SAE1: variants seen among roughly 807,000 people sequenced by gnomAD.
The protein encoded by SAE1 is SUMO1 activating enzyme subunit 1.
SAE1 carries 11 observed loss-of-function variants against 40.6 expected under a neutral mutation model. The ratio of observed to expected loss-of-function variants is 0.27; its 90% CI spans 0.17 to 0.45. The LOEUF (loss-of-function observed/expected upper bound fraction) is 0.45. Among genes scored for constraint, SAE1 ranks in the 20% least tolerant of loss-of-function variants. The pLI, the probability that SAE1 is intolerant of heterozygous loss-of-function variation, is 1.00. For missense variants in SAE1, 373 were observed against 427.3 expected (o/e 0.87, Z 1.12); for synonymous variants, 155 against 154.3 (o/e 1.00, Z -0.03).
intron 6 of SAE1, among the ~76,000 whole-genome samples, chr19:47,178,101 C>T (rs1489133001): frequency 6.6e-6 from 1 of 151,978 alleles, no homozygotes; most frequent in Non-Finnish European, 1.5e-5. Context: ...ATTAGCTGGG[C>T]ATGGTGGTGT....
intron 1 of SAE1, among the ~76,000 whole-genome samples, chr19:47,135,371 G>C (rs899688615): frequency 6.6e-6 from 1 of 151,952 alleles, no homozygotes; most frequent in Non-Finnish European, 1.5e-5. Context: ...TCTACTATCT[G>C]CATGAGTTCA....
intron 6 of SAE1, among the ~76,000 whole-genome samples, chr19:47,192,829 T>G (rs2058587817): frequency 1.3e-5 from 2 of 152,016 alleles, no homozygotes; most frequent in African/African-American, 2.4e-5. Flanking sequence ...TGTGAGCCAC[T>G]GCACCTGGCC....
intron 5 of SAE1, among the ~76,000 whole-genome samples, chr19:47,166,276 C>G (rs971297577): frequency 1.3e-5 from 2 of 152,040 alleles, no homozygotes; most frequent in Non-Finnish European, 2.9e-5. Context: ...GAAGTGGGCA[C>G]GGATGGGGGC....
At chr19:47,177,908 G>C (rs527723277) in intron 6 of SAE1, among the ~76,000 whole-genome samples, 14 of 152,104 alleles carry the variant, frequency 9.2e-5, no homozygotes, top group Non-Finnish European at 1.6e-4. Flanking sequence ...GAGGGGACTG[G>C]AGCTTGGAGA....
At chr19:47,207,009 C>A (rs28399748) in intron 8 of SAE1, among the ~76,000 whole-genome samples, 1 of 152,142 alleles carries the variant, frequency 6.6e-6, no homozygotes, top group African/African-American at 2.4e-5. Context: ...AATAAATGTT[C>A]CCTTGACTGG....
Position 47,196,396 on chromosome 19 carries a change from C to T in SAE1, c.734-837C>T, listed in dbSNP as rs1276387784. ...TTTACTTTTTTGAGACGGAGTCTCA[C>T]TCTGTCACCCAGGCTAGATTGCAGT... On this transcript the variant is annotated intron_variant, in intron 6 of 8. Transcript: ENST00000270225. Among the ~76,000 whole-genome samples, 6 of 121,494 alleles carry T rather than the reference C, an allele frequency of 4.9e-5. No individual in the cohort carries two copies. In the Admixed American group the frequency reaches 5.2e-4, roughly 10 times the overall value. The allele number at this position is 121,494 out of a possible 152,430, so 79.7% of individuals were successfully genotyped here.
intron 6 of SAE1, chr19:47,180,220 A>T (rs760595435): frequency 2.2e-6 from 1 of 456,182 alleles, no homozygotes; most frequent in Non-Finnish European, 4.4e-6. Flanking sequence ...TCATGCCAAG[A>T]TGTTAATACC....
chr19:47,193,978 A>G (rs911413474), intron 6 of SAE1, among the ~76,000 whole-genome samples: 15 of 152,272 alleles, frequency 9.9e-5, no homozygotes, highest in African/African-American at 3.1e-4. Context: ...AGCATAGCCC[A>G]GAAGCAGGGT....
intron 4 of SAE1, among the ~76,000 whole-genome samples, chr19:47,154,881 G>A (rs2058311183): frequency 6.6e-6 from 1 of 152,192 alleles, no homozygotes. Flanking sequence ...GTGCCCAGCA[G>A]TGTGCTGAGC....
Position 47,135,301 on chromosome 19 carries a change from T to C in SAE1, c.98+4273T>C, listed in dbSNP as rs187016562. ...TATTTAATTATATTTTTGTATCCAT[T>C]AGTCATCCCTCCTTCCCCTCCACCC... is the stretch of plus-strand genomic sequence containing the variant. On this transcript the variant is annotated intron_variant, in intron 1 of 8. Transcript: ENST00000270225. Among the ~76,000 whole-genome samples the C allele has an allele frequency of 6.6e-5, 10 of 152,274 alleles. 1 individual carries two copies. Among genetic ancestry groups the C allele is most frequent in the Admixed American group, 3.3e-4 (5 of 15,278 alleles).
intron 5 of SAE1, among the ~76,000 whole-genome samples, chr19:47,165,556 A>C (rs974318047): frequency 6.6e-6 from 1 of 152,160 alleles, no homozygotes; most frequent in Admixed American, 6.6e-5. Context: ...GGTTCATTCC[A>C]GTGGATAGTG....
intron 1 of SAE1, chr19:47,135,510 A>G (rs930214069): frequency 6.6e-6 from 1 of 151,988 alleles, no homozygotes; most frequent in Non-Finnish European, 1.5e-5. Flanking sequence ...ACAGGATCTC[A>G]TTCCCTTTTT....
At chr19:47,194,153 G>C (rs543220723) in intron 6 of SAE1, among the ~76,000 whole-genome samples, 166 of 152,308 alleles carry the variant, frequency 1.1e-3, no homozygotes, top group Middle Eastern at 3.4e-3. Context: ...CAGATGCAGA[G>C]ACCAAGATTC....
intron 6 of SAE1, among the ~76,000 whole-genome samples, chr19:47,176,370 A>G (rs1420943043): frequency 6.6e-6 from 1 of 152,226 alleles, no homozygotes; most frequent in Non-Finnish European, 1.5e-5. Flanking sequence ...AGGAATTCCT[A>G]GTGGGGACAA....
intron 5 of SAE1, 105 bp downstream of exon 5, chr19:47,155,318 C>T (rs1319709740): frequency 1.6e-5 from 12 of 738,848 alleles, no homozygotes; most frequent in Middle Eastern, 5.3e-4. Context: ...AGGGGTGGGG[C>T]GGGTGCTTGT....
In SAE1 at chr19:47,197,256, A is replaced by G. The variant is rs767606228; in HGVS notation, c.757A>G (p.Lys253Glu). The G allele has an allele frequency of 1.2e-6, 2 of 1,613,738 alleles. No homozygotes were observed. Among genetic ancestry groups the G allele is most frequent in the Non-Finnish European group, 1.7e-6 (2 of 1,179,928 alleles). The change falls in exon 7 of 9, where the codon AAA (lysine) becomes GAA (glutamate). Residue 253 changes from lysine (K) to glutamate (E), a missense_variant. By Grantham distance (56) the Lys-to-Glu change is moderately conservative. This residue lies in a region of SAE1 where 351 missense variants were observed against 390.6 expected (regional missense o/e 0.90). Transcript: ENST00000270225. Reference protein sequence around the residue: ...LQVLLKFRTDKGRDPSSDTYE... With the variant: ...LQVLLKFRTDEGRDPSSDTYE... Reference sequence around the variant, plus strand: ...AGTGCTCTTAAAGTTCCGTACAGATAAAGGAAGAGATCCCAGTTCTGATAC... The same window carrying G: ...AGTGCTCTTAAAGTTCCGTACAGATGAAGGAAGAGATCCCAGTTCTGATAC...
intron 8 of SAE1, among the ~76,000 whole-genome samples, chr19:47,206,597 C>T (rs1353910349): frequency 2.6e-5 from 4 of 152,216 alleles, no homozygotes; most frequent in African/African-American, 9.7e-5. Flanking sequence ...CGGCAGGTCT[C>T]CCTGTCTATG....
At chr19:47,168,643 C>T (rs1467608916) in intron 5 of SAE1, among the ~76,000 whole-genome samples, 1 of 152,108 alleles carries the variant, frequency 6.6e-6, no homozygotes, top group Non-Finnish European at 1.5e-5. Context: ...GCTCTTGTTG[C>T]TGAGGCTGGA....
At chr19:47,186,922 G>A (rs1331328947) in intron 6 of SAE1, among the ~76,000 whole-genome samples, 1 of 152,196 alleles carries the variant, frequency 6.6e-6, no homozygotes, top group Non-Finnish European at 1.5e-5. Context: ...TTACGAGCCT[G>A]CCCTCTAGAG....
Sources: allele counts gnomAD v4.1 joint callset (sites outside exome capture counted in the v4.1 genomes callset), GRCh38; gene constraint gnomAD v4.1.1; regional missense constraint gnomAD v4.1.1; transcripts MANE v1.5; gene names NCBI Gene and HGNC (gene_info 2026-07-23, HGNC 2026-07-21).